Variants in EEF1E1 observed in about 807,000 individuals in gnomAD.
The protein encoded by EEF1E1 is eukaryotic translation elongation factor 1 epsilon 1, also known as eukaryotic translation elongation factor 1 epsilon-1.
In EEF1E1, 19 loss-of-function variants were observed where a neutral mutation model predicts 19.9. The observed-to-expected ratio is 0.95, with a 90% CI of 0.66 to 1.40. The LOEUF is 1.40. Ranked by LOEUF, EEF1E1 falls within the 40% of genes most tolerant of loss-of-function variation. The probability of loss-of-function intolerance (pLI) is 0.00; values close to 1 mark genes in which losing one functional copy is unlikely to be tolerated. For synonymous variants in EEF1E1, 81 were observed against 80.0 expected, an observed-to-expected ratio of 1.01 and a Z score of -0.07; for missense variants, 198 against 202.2, an observed-to-expected ratio of 0.98 and a Z score of 0.13.
intron 2 of EEF1E1, among the ~76,000 whole-genome samples, chr6:8,095,195 C>T (rs937670645): frequency 2.0e-5 from 3 of 151,990 alleles, no homozygotes; most frequent in Admixed American, 6.6e-5. Flanking sequence ...AACACATTGT[C>T]GGTGAACAAA....
chr6:8,075,313 C>T (rs903565825), downstream of EEF1E1, among the ~76,000 whole-genome samples: 4 of 152,262 alleles, frequency 2.6e-5, no homozygotes, highest in Admixed American at 2.6e-4. Context: ...TAAAAATACT[C>T]CTGAGGGCAA....
chr6:8,077,324 A>G (rs1054737665), downstream of EEF1E1, among the ~76,000 whole-genome samples: 1 of 152,200 alleles, frequency 6.6e-6, no homozygotes, highest in African/African-American at 2.4e-5. Context: ...CACCAGCTGC[A>G]TTAGCCCCAT....
intron 3 of EEF1E1, among the ~76,000 whole-genome samples, chr6:8,089,719 G>A (rs1368563139): frequency 6.6e-6 from 1 of 152,120 alleles, no homozygotes; most frequent in Non-Finnish European, 1.5e-5. Context: ...TCAAGTTGAC[G>A]CTCAGTATTA....
At chr6:8,102,135 A>G (rs1407474075) in intron 1 of EEF1E1, 6 of 1,301,192 alleles carry the variant, frequency 4.6e-6, no homozygotes, top group Non-Finnish European at 5.9e-6. Context: ...TTGGTCTAAG[A>G]GCCCTGTGAG....
intron 3 of EEF1E1, among the ~76,000 whole-genome samples, chr6:8,088,767 A>G (rs528914924): frequency 4.6e-5 from 7 of 152,348 alleles, no homozygotes; most frequent in African/African-American, 1.7e-4. Context: ...AAAAGGAGAC[A>G]AGATAAGACA....
chr6:8,082,304 G>C (rs974831859), intron 3 of EEF1E1, among the ~76,000 whole-genome samples: 1 of 152,162 alleles, frequency 6.6e-6, no homozygotes, highest in African/African-American at 2.4e-5. Context: ...TTGAGACAGA[G>C]TCTTACTCTG....
chr6:8,097,571 C>T (rs144037103), intron 1 of EEF1E1, 104 bp from the exon 2 acceptor site: 1 of 870,216 alleles, frequency 1.1e-6, no homozygotes. Flanking sequence ...TTGAAATAAT[C>T]CTGGATTTTA....
At chr6:8,078,783 C>G, downstream of EEF1E1, 1 of 1,262,220 alleles carries the variant, frequency 7.9e-7, no homozygotes. Context: ...TTGCCAAGAG[C>G]TACATACTAG....
intron 3 of EEF1E1, among the ~76,000 whole-genome samples, chr6:8,084,239 C>T (rs1383083589): frequency 6.6e-6 from 1 of 152,108 alleles, no homozygotes; most frequent in Non-Finnish European, 1.5e-5. Flanking sequence ...ATTAATGTAA[C>T]CCTAACTTTA....
At chr6:8,073,546 A>C (rs1347003328) in intron 3 of EEF1E1, 1 of 1,551,322 alleles carries the variant, frequency 6.4e-7, no homozygotes, top group African/African-American at 1.4e-5. Flanking sequence ...TAATTCACTT[A>C]AAGCACTTAG....
At chr6:8,093,463 T>G (rs1194406166) in intron 2 of EEF1E1, among the ~76,000 whole-genome samples, 1 of 151,804 alleles carries the variant, frequency 6.6e-6, no homozygotes, top group Non-Finnish European at 1.5e-5. Flanking sequence ...GAAAAAGCAG[T>G]AAAATAAACA....
intron 2 of EEF1E1, among the ~76,000 whole-genome samples, chr6:8,096,760 T>C (rs1758186691): frequency 6.6e-6 from 1 of 152,198 alleles, no homozygotes; most frequent in Admixed American, 6.5e-5. Context: ...ATTTTATTAT[T>C]TGATGCCTTT....
At chr6:8,081,251 C>T (rs908790367) in intron 3 of EEF1E1, among the ~76,000 whole-genome samples, 2 of 152,168 alleles carry the variant, frequency 1.3e-5, no homozygotes, top group African/African-American at 4.8e-5. Flanking sequence ...GCTGCTCTAG[C>T]ACATTATAAA....
chr6:8,084,127 AAAGAT>A (rs1422672816), intron 3 of EEF1E1, among the ~76,000 whole-genome samples: 1 of 152,232 alleles, frequency 6.6e-6, no homozygotes, highest in Non-Finnish European at 1.5e-5. Flanking sequence ...TCACTTTGAA[AAAGAT>A]AAGGATATCT....
intron 3 of EEF1E1, among the ~76,000 whole-genome samples, chr6:8,084,366 G>A (rs1757793593): frequency 6.6e-6 from 1 of 152,128 alleles, no homozygotes; most frequent in Admixed American, 6.5e-5. Flanking sequence ...TTGCACTATA[G>A]GATTATGACC....
chr6:8,075,844 C>A (rs1328278266), downstream of EEF1E1, among the ~76,000 whole-genome samples: 2 of 152,160 alleles, frequency 1.3e-5, no homozygotes, highest in Admixed American at 6.5e-5. Context: ...CCTCTCCAAC[C>A]CTGCAGCTGC....
chr6:8,075,825 G>T (rs933150393), downstream of EEF1E1, among the ~76,000 whole-genome samples: 2 of 152,184 alleles, frequency 1.3e-5, no homozygotes, highest in Non-Finnish European at 2.9e-5. Context: ...TTTCAAAATT[G>T]AAGTCAATCC....
chr6:8,102,075 G>A (rs1758381436), intron 1 of EEF1E1: 5 of 1,191,326 alleles, frequency 4.2e-6, no homozygotes, highest in South Asian at 1.7e-5. Context: ...CTGAATGAAA[G>A]GTGCGATTAC....
chr6:8,078,186 T>C (rs1308235575), downstream of EEF1E1, among the ~76,000 whole-genome samples: 1 of 152,196 alleles, frequency 6.6e-6, no homozygotes, highest in Non-Finnish European at 1.5e-5. Context: ...CTCAAGAAGC[T>C]TAATCATTTC....
Sources: allele counts gnomAD v4.1 joint callset (sites outside exome capture counted in the v4.1 genomes callset), GRCh38; gene constraint gnomAD v4.1.1; transcripts MANE v1.5; gene names NCBI Gene and HGNC (gene_info 2026-07-23, HGNC 2026-07-21).